The following CPLANE1 variants were observed in gnomAD, a reference collection of about 807,000 sequenced individuals.
CPLANE1 encodes the protein ciliogenesis and planar polarity effector complex subunit 1, also known as ciliogenesis and planar polarity effector 1.
Under a neutral mutation model 362.5 loss-of-function variants are expected in CPLANE1, and 263 were observed. The ratio of observed to expected loss-of-function variants is 0.73; its 90% CI spans 0.66 to 0.80. The LOEUF is 0.80. CPLANE1 is among the 30% of genes least tolerant of loss of function. The probability of loss-of-function intolerance (pLI) is 0.00; values close to 1 mark genes in which losing one functional copy is unlikely to be tolerated. For missense variants in CPLANE1, 3,461 were observed against 3,793.4 expected (o/e 0.91, Z 2.30); for synonymous variants, 1,212 against 1,302.6 (o/e 0.93, Z 1.50).
chr5:37,241,228 C>A (rs1287527785), intron 6 of CPLANE1, among the ~76,000 whole-genome samples: 3 of 150,836 alleles, frequency 2.0e-5, no homozygotes, highest in African/African-American at 7.3e-5. Context: ...CCAAGGCGGG[C>A]AGATCATTTG....
the CPLANE1 span, among the ~76,000 whole-genome samples, chr5:37,091,423 G>A: frequency 2.6e-5 from 4 of 152,218 alleles, no homozygotes; most frequent in East Asian, 7.7e-4. Flanking sequence ...CAACAATTTT[G>A]TCACAAGTGG....
In CPLANE1 at chr5:37,180,747, C is replaced by CA. The variant is rs1782458184; in HGVS notation, c.5570+109dup. 4 of 1,020,578 alleles carry CA rather than the reference C, an allele frequency of 3.9e-6. No homozygotes were observed. The Admixed American group carries it at 9.4e-5, about 24-fold the overall frequency. 63.2% of individuals were successfully genotyped at this position (1,020,578 alleles called of 1,614,324 possible). A position where few individuals can be genotyped will look rare whatever the true frequency, so the allele number is the denominator to read the frequency against. On this transcript the variant is annotated intron_variant, in intron 27 of 52. Coordinates refer to ENST00000651892, the MANE Select transcript of CPLANE1 (RefSeq NM_001384732.1). ...AAGCTCACTGCCTGCTCCTCTACTT[C>CA]AAAAAATGCTCATTCCTTTAACTTT...
At chr5:37,214,345 C>T (rs984190673) in intron 15 of CPLANE1, among the ~76,000 whole-genome samples, 2 of 151,888 alleles carry the variant, frequency 1.3e-5, no homozygotes, top group South Asian at 2.1e-4. Context: ...CATGGTTGTG[C>T]GCACCTATAG....
the CPLANE1 span, chr5:37,085,691 A>G: frequency 1.7e-6 from 2 of 1,151,962 alleles, no homozygotes; most frequent in Non-Finnish European, 2.6e-6. Flanking sequence ...GGTTCACATG[A>G]AAGATGTCAA....
At chr5:37,236,751 T>C (rs1232562583) in intron 8 of CPLANE1, among the ~76,000 whole-genome samples, 3 of 145,550 alleles carry the variant, frequency 2.1e-5, no homozygotes, top group Non-Finnish European at 4.5e-5. Flanking sequence ...CATTAAAAAC[T>C]GGGCAAAGGA....
rs749918295 is a variant in CPLANE1 at position 37,224,263 on chromosome 5, G to A, written c.2571C>T (p.Ile857=). 22 of 1,546,354 alleles carry A rather than the reference G, an allele frequency of 1.4e-5. No homozygotes were observed. The highest frequency in any genetic ancestry group is 1.7e-4 in the Middle Eastern group (1 of 5,998). Residue 857 remains isoleucine (I), a synonymous_variant, in exon 14 of 53, where the codon ATC becomes ATT. Transcript: ENST00000651892. ...VQLWKKALQE[I]EEKGGRRTYF... ...TTAACACTCTCTTACCTTTCTCTTC[G>A]ATTTCTTGTAGAGCTTTTTTCCACA...
intron 17 of CPLANE1, 29 bp downstream of exon 17, chr5:37,206,168 A>T: frequency 1.5e-6 from 2 of 1,338,770 alleles, no homozygotes; most frequent in Non-Finnish European, 1.0e-6. Context: ...CAATCATACT[A>T]TATCTTAAAA....
intron 29 of CPLANE1, among the ~76,000 whole-genome samples, chr5:37,179,007 C>T (rs1048067326): frequency 1.3e-5 from 2 of 152,182 alleles, no homozygotes; most frequent in African/African-American, 4.8e-5. Context: ...GCAATCCTCC[C>T]GCCTCAGCCT....
chr5:37,185,905 C>G (rs1240610377), intron 24 of CPLANE1, among the ~76,000 whole-genome samples: 1 of 152,128 alleles, frequency 6.6e-6, no homozygotes, highest in Admixed American at 6.5e-5. Context: ...TTGTTTTCAA[C>G]AAATACTTGC....
intron 46 of CPLANE1, among the ~76,000 whole-genome samples, chr5:37,129,756 G>A (rs1765231024): frequency 6.6e-6 from 1 of 152,298 alleles, no homozygotes. Flanking sequence ...GATGTTGGCA[G>A]GGATGCGGTT....
In CPLANE1 at chr5:37,224,747, A is replaced by G; in HGVS notation, c.2292-7T>C. 1 of 1,538,306 alleles carries G rather than the reference A, an allele frequency of 6.5e-7. No individual in the cohort carries two copies. Among genetic ancestry groups the G allele is most frequent in the Non-Finnish European group, 8.8e-7 (1 of 1,136,358 alleles). ...TCTCCAGAGAATAAGCAATCTGCAC[A>G]TAAAATCAGGTAATTATCAAAAGCA... On this transcript the variant is annotated splice_region_variant and splice_polypyrimidine_tract_variant and intron_variant, in intron 12 of 52. Transcript: ENST00000651892.
intron 24 of CPLANE1, among the ~76,000 whole-genome samples, chr5:37,185,296 TAA>T (rs1783689694): frequency 6.6e-6 from 1 of 151,480 alleles, no homozygotes; most frequent in Non-Finnish European, 1.5e-5. Flanking sequence ...AAGAACACAG[TAA>T]AAGAGACAGA....
Position 37,107,696 on chromosome 5 carries a change from C to T in CPLANE1, c.9662G>A (p.Ser3221Asn), listed in dbSNP as rs1757915862. Reference sequence around the variant, plus strand: ...ATTCCAGTCCAGCTTGCTGAGGATGCTGCCAGTGCTCTCAGACACGCTGTC... The same window carrying T: ...ATTCCAGTCCAGCTTGCTGAGGATGTTGCCAGTGCTCTCAGACACGCTGTC... Reference protein sequence around the residue: ...GVDSVSESTGSILSKLDWNAI... With the variant: ...GVDSVSESTGNILSKLDWNAI... The change falls in exon 53 of 53, where the codon AGC (serine) becomes AAC (asparagine). Residue 3221 changes from serine (S) to asparagine (N), a missense_variant. Coordinates refer to ENST00000651892, the MANE Select transcript of CPLANE1 (RefSeq NM_001384732.1). 6.2e-7 allele frequency: 1 copy of T among 1,611,742 alleles called. No individual in the cohort carries two copies. Among genetic ancestry groups the T allele is most frequent in the East Asian group, 2.2e-5 (1 of 44,780 alleles).
chr5:37,220,218 T>C (rs1580842555), intron 15 of CPLANE1, among the ~76,000 whole-genome samples: 1 of 148,044 alleles, frequency 6.8e-6, no homozygotes, highest in African/African-American at 2.5e-5. Context: ...TCAACCACAC[T>C]CCAGCCTCGG....
At chr5:37,191,676 T>C (rs2151291979) in intron 21 of CPLANE1, among the ~76,000 whole-genome samples, 1 of 151,950 alleles carries the variant, frequency 6.6e-6, no homozygotes, top group South Asian at 2.1e-4. Context: ...CTACAAAAAC[T>C]AAAAAATAAA....
At chr5:37,135,714 T>G (rs1272176515) in intron 46 of CPLANE1, among the ~76,000 whole-genome samples, 1 of 151,778 alleles carries the variant, frequency 6.6e-6, no homozygotes, top group African/African-American at 2.4e-5. Flanking sequence ...GTGCCTGTAA[T>G]CCCAGCTACT....
At chr5:37,136,221 T>C (rs767922660) in intron 46 of CPLANE1, among the ~76,000 whole-genome samples, 4 of 152,110 alleles carry the variant, frequency 2.6e-5, no homozygotes, top group African/African-American at 4.8e-5. Flanking sequence ...TGGGTAAAAA[T>C]ACCCGGTCCA....
chr5:37,170,202 T>A lies in CPLANE1; in HGVS notation c.6301A>T (p.Arg2101Ter). 6.2e-7 allele frequency: 1 copy of A among 1,614,182 alleles called. No homozygotes were observed. The highest frequency in any genetic ancestry group is 1.1e-5 in the South Asian group (1 of 91,082). ...HLGESQESNL[R>*]GCGDVEDSNK... ...CTGTCTTCAACATCACCACATCCTC[T>A]TAGGTTTGATTCTTGGCTTTCCCCT... Residue 2101 changes from arginine to a stop codon, truncating the protein, a stop_gained, in exon 33 of 53, where the codon AGA becomes TGA. Coordinates refer to ENST00000651892, the MANE Select transcript of CPLANE1 (RefSeq NM_001384732.1). LOFTEE classifies it high-confidence loss of function.
chr5:37,109,165 T>C (rs1758413233), intron 51 of CPLANE1, among the ~76,000 whole-genome samples: 1 of 152,196 alleles, frequency 6.6e-6, no homozygotes, highest in South Asian at 2.1e-4. Context: ...AGATGGGAAG[T>C]AAATATAGAT....
Sources: gnomAD v4.1 joint callset for allele counts (sites outside exome capture counted in the v4.1 genomes callset) on GRCh38, gnomAD v4.1.1 for gene constraint, MANE v1.5 for transcripts, NCBI Gene and HGNC (gene_info 2026-07-23, HGNC 2026-07-21) for gene names.